Variants in ALDH5A1 observed in about 807,000 individuals in gnomAD.
ALDH5A1 encodes the protein aldehyde dehydrogenase 5 family member A1, also known as succinate-semialdehyde dehydrogenase, mitochondrial.
In ALDH5A1, 33 loss-of-function variants were observed where a neutral mutation model predicts 54.7. That is an observed-to-expected ratio of 0.60 (90% CI 0.46 to 0.81). ALDH5A1 has a LOEUF of 0.81. Among genes scored for constraint, ALDH5A1 ranks in the 30% least tolerant of loss-of-function variants. The pLI is 0.00. For missense variants in ALDH5A1, 657 were observed against 711.0 expected (o/e 0.92, Z 0.86); for synonymous variants, 294 against 292.7 (o/e 1.00, Z -0.05).
intron 5 of ALDH5A1, among the ~76,000 whole-genome samples, chr6:24,515,549 A>AC (rs1269843833): frequency 6.6e-6 from 1 of 151,618 alleles, no homozygotes; most frequent in Non-Finnish European, 1.5e-5. Context: ...ACATGATGAA[A>AC]CCCCCTCACA....
In ALDH5A1 at chr6:24,503,261, A is replaced by G. The variant is rs1759242138; in HGVS notation, c.439-2A>G. The G allele has an allele frequency of 5.0e-6, 8 of 1,613,648 alleles. No individual in the cohort carries two copies. Among genetic ancestry groups the G allele is most frequent in the Non-Finnish European group, 6.8e-6 (8 of 1,179,992 alleles). On this transcript the variant is annotated splice_acceptor_variant, in intron 2 of 9. Coordinates refer to ENST00000357578, the MANE Select transcript of ALDH5A1 (RefSeq NM_001080.3). LOFTEE classifies it high-confidence loss of function. ...CGTGGGTTCTTTTCTGATTTAATTT[A>G]GGGAAAGCCACTGAAGGAGGCACAT...
At chr6:24,506,118 CAT>C (rs1433138196) in intron 4 of ALDH5A1, among the ~76,000 whole-genome samples, 3 of 151,764 alleles carry the variant, frequency 2.0e-5, no homozygotes, top group Non-Finnish European at 4.4e-5. Flanking sequence ...TATGTGTACA[CAT>C]GTGTACACAC....
chr6:24,504,727 C>A, intron 3 of ALDH5A1, 142 bp from the exon 4 acceptor site: 2 of 821,228 alleles, frequency 2.4e-6, no homozygotes, highest in South Asian at 1.4e-5. Flanking sequence ...GTCAGGTGTT[C>A]TGAGAGCTCA....
chr6:24,500,969 C>T (rs1342878366), intron 1 of ALDH5A1, among the ~76,000 whole-genome samples: 1 of 152,114 alleles, frequency 6.6e-6, no homozygotes, highest in Non-Finnish European at 1.5e-5. Context: ...GGCATGACAA[C>T]AACGACTTTA....
chr6:24,525,635 G>A (rs148925683), intron 7 of ALDH5A1, among the ~76,000 whole-genome samples: 1,553 of 152,122 alleles, frequency 0.01, 28 homozygotes, highest in African/African-American at 0.035. Flanking sequence ...TTGAACCCAC[G>A]AGGCGGAGGT....
chr6:24,523,173 A>G (rs928936054), intron 7 of ALDH5A1, among the ~76,000 whole-genome samples: 6 of 152,178 alleles, frequency 3.9e-5, no homozygotes, highest in African/African-American at 1.4e-4. Context: ...TTCCCAGTAT[A>G]AAGAAATGAT....
At chr6:24,496,661 C>T (rs1380194644) in intron 1 of ALDH5A1, among the ~76,000 whole-genome samples, 1 of 152,166 alleles carries the variant, frequency 6.6e-6, no homozygotes, top group Non-Finnish European at 1.5e-5. Flanking sequence ...GATGTCTGTT[C>T]ACGCCCAAGT....
At chr6:24,513,257 G>T (rs1019766933) in intron 4 of ALDH5A1, among the ~76,000 whole-genome samples, 4 of 151,778 alleles carry the variant, frequency 2.6e-5, no homozygotes, top group Admixed American at 2.6e-4. Context: ...TAGAGATAGG[G>T]TCTCACTATG....
intron 1 of ALDH5A1, 136 bp downstream of exon 1, chr6:24,495,486 G>A: frequency 1.1e-6 from 1 of 894,256 alleles, no homozygotes; most frequent in African/African-American, 1.7e-5. Context: ...AAAGTGGAAA[G>A]TCAGAGCAAC....
intron 7 of ALDH5A1, among the ~76,000 whole-genome samples, chr6:24,524,456 C>T (rs1219857975): frequency 6.6e-6 from 1 of 152,122 alleles, no homozygotes; most frequent in Non-Finnish European, 1.5e-5. Flanking sequence ...CAGTACTCAT[C>T]ATGGGAAGCA....
intron 7 of ALDH5A1, among the ~76,000 whole-genome samples, chr6:24,525,542 A>AG (rs1336929175): frequency 1.3e-5 from 2 of 151,940 alleles, no homozygotes; most frequent in Non-Finnish European, 2.9e-5. Context: ...TAAAAAAAAA[A>AG]AAAAAGAAAA....
At chr6:24,522,126 A>G (rs1561876373) in intron 6 of ALDH5A1, among the ~76,000 whole-genome samples, 1 of 152,086 alleles carries the variant, frequency 6.6e-6, no homozygotes. Flanking sequence ...GGTTACAGGC[A>G]TGAGCCACTG....
At chr6:24,513,872 G>A (rs1759511221) in intron 4 of ALDH5A1, among the ~76,000 whole-genome samples, 1 of 152,076 alleles carries the variant, frequency 6.6e-6, no homozygotes, top group Admixed American at 6.5e-5. Context: ...CAACACAGGT[G>A]GTATATTCTT....
chr6:24,495,932 T>C (rs897792814), intron 1 of ALDH5A1, among the ~76,000 whole-genome samples: 1 of 152,194 alleles, frequency 6.6e-6, no homozygotes, highest in Non-Finnish European at 1.5e-5. Flanking sequence ...AATGCTGCTA[T>C]TGGCCATTGC....
intron 1 of ALDH5A1, among the ~76,000 whole-genome samples, chr6:24,497,169 C>G (rs541230042): frequency 6.6e-6 from 1 of 152,058 alleles, no homozygotes; most frequent in Non-Finnish European, 1.5e-5. Flanking sequence ...GAAGGGGACC[C>G]GAGTGGGTTG....
At chr6:24,508,289 G>A (rs1759394964) in intron 4 of ALDH5A1, among the ~76,000 whole-genome samples, 1 of 146,278 alleles carries the variant, frequency 6.8e-6, no homozygotes, top group Non-Finnish European at 1.5e-5. Flanking sequence ...CTTGGACTGA[G>A]AGGCAGAGGT....
rs183990229 is a variant in ALDH5A1, at chr6:24,497,046, A to G, written c.354+1696A>G. On this transcript the variant is annotated intron_variant, in intron 1 of 9. Transcript: ENST00000357578. ...GTGGCCTCGCTGACTTCAAAAATGG[A>G]GCCGCGGACCTTTGCAGTGAGTGTT... is the stretch of plus-strand genomic sequence containing the variant. Among the ~76,000 whole-genome samples, 540 of 152,198 alleles carry G rather than the reference A, an allele frequency of 3.5e-3. 1 individual carries two copies. Among genetic ancestry groups the G allele is most frequent in the African/African-American group, 0.012 (503 of 41,518 alleles).
chr6:24,529,742 G>C (rs1759892952), intron 8 of ALDH5A1, among the ~76,000 whole-genome samples: 1 of 113,192 alleles, frequency 8.8e-6, no homozygotes, highest in African/African-American at 2.9e-5. Flanking sequence ...TGCGATCTCA[G>C]CTCAGTTTAA....
chr6:24,503,579 AGT>A (rs750895349), intron 3 of ALDH5A1, 146 bp downstream of exon 3: 1 of 978,202 alleles, frequency 1.0e-6, no homozygotes, highest in African/African-American at 1.6e-5. Flanking sequence ...TGGATGTGGA[AGT>A]GTGTTTCCTA....
Sources: allele counts gnomAD v4.1 joint callset (sites outside exome capture counted in the v4.1 genomes callset), GRCh38; gene constraint gnomAD v4.1.1; transcripts MANE v1.5; gene names NCBI Gene and HGNC (gene_info 2026-07-23, HGNC 2026-07-21).